Variants in INPP4B observed in about 807,000 individuals in gnomAD.
INPP4B encodes the protein inositol polyphosphate-4-phosphatase type II B.
INPP4B carries 55 observed loss-of-function variants against 122.5 expected under a neutral mutation model. That is an observed-to-expected ratio of 0.45 (90% CI 0.36 to 0.56). The LOEUF (loss-of-function observed/expected upper bound fraction) is 0.56. INPP4B is among the 20% of genes least tolerant of loss of function. INPP4B has a pLI of 0.00. For synonymous variants in INPP4B, 403 were observed against 388.7 expected (o/e 1.04, Z -0.43); for missense variants, 1,000 against 1,097.7 (o/e 0.91, Z 1.26).
intron 12 of INPP4B, among the ~76,000 whole-genome samples, chr4:142,235,342 G>A (rs1245520617): frequency 6.7e-6 from 1 of 150,334 alleles, no homozygotes; most frequent in Admixed American, 6.7e-5. Context: ...TAGTTATTAT[G>A]TTAAATACTA....
Position 142,323,696 on chromosome 4 carries a change from T to C in INPP4B, c.373-8934A>G, listed in dbSNP as rs554353371. Among the ~76,000 whole-genome samples the C allele has an allele frequency of 8.1e-4, 123 of 151,910 alleles. 1 individual carries two copies. The highest frequency in any genetic ancestry group is 1.5e-3 in the East Asian group (8 of 5,162). The stretch of plus-strand genomic sequence containing the variant: ...TCCTGACCTTGTGATCTGCCCGCCT[T>C]GGCCTCCCAAAGTGCAGGGATTACA... On this transcript the variant is annotated intron_variant, in intron 7 of 25. Transcript: ENST00000262992.
At chr4:142,580,078 T>C (rs543779018) in intron 2 of INPP4B, among the ~76,000 whole-genome samples, 2 of 150,934 alleles carry the variant, frequency 1.3e-5, no homozygotes, top group South Asian at 4.2e-4. Flanking sequence ...GAGGGAGCTG[T>C]GGAATGAAAA....
In INPP4B at chr4:142,713,796, AAG is replaced by A. The variant is rs1343403514; in HGVS notation, c.-191+12041_-191+12042del. 2.0e-5 allele frequency among the ~76,000 whole-genome samples: 3 copies of A among 152,184 alleles called. No individual in the cohort carries two copies. The East Asian group carries it at 5.8e-4, about 29-fold the overall frequency. On this transcript the variant is annotated intron_variant, in intron 2 of 25. Coordinates refer to ENST00000262992, the MANE Select transcript of INPP4B (RefSeq NM_001101669.3). ...GCCTCTTCTACATCCTGGGGGTTTT[AAG>A]ATCCTGCTCATTTAGGAAAGCCAAT... is the stretch of plus-strand genomic sequence containing the variant.
Position 142,423,605 on chromosome 4 carries a change from C to G in INPP4B, c.136+5568G>C, listed in dbSNP as rs1336707136. 2.8e-5 allele frequency: 6 copies of G among 211,820 alleles called. No individual in the cohort carries two copies. In the East Asian group the frequency reaches 7.1e-4, roughly 25 times the overall value. 13.1% of individuals were successfully genotyped at this position (211,820 alleles called of 1,614,324 possible). ...CCACGATAATATTTGAATTAACCTACCTAAGGACCTCTTGTCATTGTACCA... is the reference window on the plus strand; with the variant it reads ...CCACGATAATATTTGAATTAACCTAGCTAAGGACCTCTTGTCATTGTACCA... On this transcript the variant is annotated intron_variant, in intron 5 of 25. Transcript: ENST00000262992.
intron 16 of INPP4B, among the ~76,000 whole-genome samples, chr4:142,172,714 A>C (rs1579163791): frequency 6.6e-6 from 1 of 152,066 alleles, no homozygotes; most frequent in Non-Finnish European, 1.5e-5. Context: ...CCTGAATAAA[A>C]AGTATGGACA....
intron 2 of INPP4B, among the ~76,000 whole-genome samples, chr4:142,599,186 C>A (rs896570119): frequency 1.3e-5 from 2 of 152,146 alleles, no homozygotes; most frequent in Non-Finnish European, 2.9e-5. Flanking sequence ...TGAGTACCCT[C>A]TTAGCCACCC....
intron 25 of INPP4B, among the ~76,000 whole-genome samples, chr4:142,069,632 T>C (rs1245019719): frequency 5.9e-5 from 9 of 151,706 alleles, no homozygotes; most frequent in African/African-American, 1.2e-4. Context: ...ATAGATGCAA[T>C]AAAAAAATGA....
intron 1 of INPP4B, among the ~76,000 whole-genome samples, chr4:142,770,856 G>A (rs1580875559): frequency 6.6e-6 from 1 of 152,068 alleles, no homozygotes; most frequent in Non-Finnish European, 1.5e-5. Context: ...ACAAGACAGG[G>A]CACAATTCTT....
chr4:142,215,786 G>A (rs574850205), intron 12 of INPP4B, among the ~76,000 whole-genome samples: 78 of 151,054 alleles, frequency 5.2e-4, no homozygotes, highest in African/African-American at 1.7e-3. Context: ...CCAGCTACTC[G>A]GGAGGCTGAG....
chr4:142,459,740 G>A (rs1816315455), intron 3 of INPP4B, among the ~76,000 whole-genome samples: 1 of 152,086 alleles, frequency 6.6e-6, no homozygotes, highest in Non-Finnish European at 1.5e-5. Context: ...GACAATTTGG[G>A]CTATCTGCGT....
At chr4:142,557,578 C>T (rs1393113578) in intron 2 of INPP4B, among the ~76,000 whole-genome samples, 1 of 152,132 alleles carries the variant, frequency 6.6e-6, no homozygotes, top group Non-Finnish European at 1.5e-5. Context: ...GACACATGCT[C>T]CCGATGTCCA....
At chr4:142,118,885 AATCT>A (rs1308073455) in intron 21 of INPP4B, among the ~76,000 whole-genome samples, 6 of 152,198 alleles carry the variant, frequency 3.9e-5, no homozygotes, top group Non-Finnish European at 7.4e-5. Flanking sequence ...AAATTTTTAC[AATCT>A]ATCTATCTGA....
At chr4:142,629,340 G>T (rs778598595) in intron 2 of INPP4B, among the ~76,000 whole-genome samples, 31 of 152,058 alleles carry the variant, frequency 2.0e-4, no homozygotes, top group Non-Finnish European at 3.7e-4. Context: ...GTATATATGA[G>T]ATAAGAAATG....
chr4:142,374,033 A>C lies in INPP4B; in HGVS notation c.372+28905T>G, dbSNP rs910708232. Among the ~76,000 whole-genome samples, 3 of 152,086 alleles carry C rather than the reference A, an allele frequency of 2.0e-5. No individual in the cohort carries two copies. The East Asian group carries it at 5.8e-4, about 29-fold the overall frequency. On this transcript the variant is annotated intron_variant, in intron 7 of 25. Coordinates refer to ENST00000262992, the MANE Select transcript of INPP4B (RefSeq NM_001101669.3). The stretch of plus-strand genomic sequence containing the variant: ...AAAACAGGTGGCAAAAAAAAGGAAG[A>C]GAAAAGGAGTGTGAATGAACATGCA...
chr4:142,689,011 C>G (rs1222953981), intron 2 of INPP4B, among the ~76,000 whole-genome samples: 1 of 152,062 alleles, frequency 6.6e-6, no homozygotes, highest in Non-Finnish European at 1.5e-5. Flanking sequence ...CAATAGCGCT[C>G]CCCATTTTCT....
chr4:142,181,964 G>A (rs1830975001), intron 15 of INPP4B, among the ~76,000 whole-genome samples: 1 of 152,076 alleles, frequency 6.6e-6, no homozygotes, highest in Non-Finnish European at 1.5e-5. Context: ...GACCCATAAG[G>A]AATTGACTAG....
intron 2 of INPP4B, among the ~76,000 whole-genome samples, chr4:142,702,583 A>T (rs1761938870): frequency 1.3e-5 from 2 of 152,170 alleles, no homozygotes; most frequent in African/African-American, 4.8e-5. Context: ...ATACAAAATT[A>T]GCTGGGCGTG....
At chr4:142,180,718 C>T (rs1348106077) in intron 15 of INPP4B, among the ~76,000 whole-genome samples, 1 of 152,064 alleles carries the variant, frequency 6.6e-6, no homozygotes, top group African/African-American at 2.4e-5. Context: ...TTATGTTTTA[C>T]TATCTCTTGA....
At chr4:142,668,686 C>G (rs1756509251) in intron 2 of INPP4B, among the ~76,000 whole-genome samples, 1 of 152,098 alleles carries the variant, frequency 6.6e-6, no homozygotes, top group Non-Finnish European at 1.5e-5. Flanking sequence ...AAATTAGTAG[C>G]ACTTTTGTAC....
Sources: allele counts gnomAD v4.1 joint callset (sites outside exome capture counted in the v4.1 genomes callset), GRCh38; gene constraint gnomAD v4.1.1; transcripts MANE v1.5; gene names NCBI Gene and HGNC (gene_info 2026-07-23, HGNC 2026-07-21).